Variants in ANKRD17 observed in about 807,000 individuals in gnomAD.
The protein encoded by ANKRD17 is ankyrin repeat domain 17, also known as ankyrin repeat domain-containing protein 17.
Under a neutral mutation model 229.7 loss-of-function variants are expected in ANKRD17, and 19 were observed. That is an observed-to-expected ratio of 0.08 (90% CI 0.06 to 0.12). ANKRD17 has a LOEUF of 0.12. ANKRD17 is among the 10% of genes least tolerant of loss of function. The pLI, the probability that ANKRD17 is intolerant of heterozygous loss-of-function variation, is 1.00. For missense variants in ANKRD17, 2,176 were observed against 3,176.8 expected, an observed-to-expected ratio of 0.68 and a Z score of 7.57; for synonymous variants, 1,112 against 1,146.1, an observed-to-expected ratio of 0.97 and a Z score of 0.60.
In ANKRD17 at chr4:73,155,814, A is replaced by T. The variant is rs779713219; in HGVS notation, c.853-36T>A. 11 of 1,603,484 alleles carry T rather than the reference A, an allele frequency of 6.9e-6. No homozygotes were observed. In the East Asian group the frequency reaches 2.5e-4, roughly 36 times the overall value. ...AAAAATAGTTTAAAAAGATATTAGG[A>T]AATAATCGTCAAAAAATTTTGAACA... is the stretch of plus-strand genomic sequence containing the variant. On this transcript the variant is annotated intron_variant, in intron 4 of 33. Transcript: ENST00000358602.
At chr4:73,220,758 G>C (rs774573501) in intron 1 of ANKRD17, among the ~76,000 whole-genome samples, 2 of 152,032 alleles carry the variant, frequency 1.3e-5, no homozygotes, top group Non-Finnish European at 2.9e-5. Context: ...AATTCCGTAT[G>C]TTCAATAAAT....
chr4:73,090,456 T>C (rs1219879068), intron 29 of ANKRD17, among the ~76,000 whole-genome samples: 1 of 152,128 alleles, frequency 6.6e-6, no homozygotes, highest in African/African-American at 2.4e-5. Flanking sequence ...AAGACTTATT[T>C]ATGGAAAATT....
intron 24 of ANKRD17, among the ~76,000 whole-genome samples, chr4:73,103,000 CTTA>C (rs1326687165): frequency 6.6e-6 from 1 of 151,990 alleles, no homozygotes; most frequent in African/African-American, 2.4e-5. Flanking sequence ...ATCCCAACAA[CTTA>C]TTATATAAAA....
At chr4:73,150,839 T>A (rs944787130) in intron 7 of ANKRD17, among the ~76,000 whole-genome samples, 9 of 152,068 alleles carry the variant, frequency 5.9e-5, no homozygotes, top group African/African-American at 2.2e-4. Context: ...CATTCCCGAA[T>A]ACAAACTCTA....
At chr4:73,088,532 C>T (rs1449510792) in intron 29 of ANKRD17, among the ~76,000 whole-genome samples, 2 of 152,136 alleles carry the variant, frequency 1.3e-5, no homozygotes, top group Non-Finnish European at 2.9e-5. Context: ...TAGATTATCA[C>T]ATTTTTGGAA....
intron 1 of ANKRD17, among the ~76,000 whole-genome samples, chr4:73,187,479 C>T (rs924678271): frequency 6.6e-6 from 1 of 152,164 alleles, no homozygotes; most frequent in Non-Finnish European, 1.5e-5. Flanking sequence ...TCGGCTGTAA[C>T]AGGAAATATC....
At chr4:73,173,755 A>G (rs1000818674) in intron 2 of ANKRD17, among the ~76,000 whole-genome samples, 5 of 152,170 alleles carry the variant, frequency 3.3e-5, no homozygotes, top group African/African-American at 9.7e-5. Flanking sequence ...ACAGGGAGCC[A>G]CATGAAATAT....
Position 73,102,368 on chromosome 4 carries a change from G to C in ANKRD17, c.4573+8C>G. On this transcript the variant is annotated splice_region_variant and intron_variant, in intron 25 of 33. Transcript: ENST00000358602. ...AAAACAAATGGGATGGTTGTTAAGA[G>C]AAAATACCTTCAACTTTAAGCTTTT... 1 of 1,576,760 alleles carries C rather than the reference G, an allele frequency of 6.3e-7. No homozygotes were observed. The highest frequency in any genetic ancestry group is 1.4e-5 in the African/African-American group (1 of 72,436).
chr4:73,179,488 G>A (rs7656492), intron 1 of ANKRD17, among the ~76,000 whole-genome samples: 12,655 of 47,622 alleles, frequency 0.27, 2,203 homozygotes, highest in Non-Finnish European at 0.33. Context: ...GTGTGTGTGT[G>A]TATATATATA....
intron 1 of ANKRD17, among the ~76,000 whole-genome samples, chr4:73,253,768 C>T (rs570346609): frequency 1.9e-4 from 29 of 152,264 alleles, no homozygotes; most frequent in South Asian, 1.9e-3. Flanking sequence ...AACTGGCTCT[C>T]CCCTTAATAC....
chr4:73,125,165 C>T, intron 17 of ANKRD17, 36 bp downstream of exon 17: 2 of 1,587,844 alleles, frequency 1.3e-6, no homozygotes, highest in Non-Finnish European at 8.6e-7. Context: ...ATTTTTTGAC[C>T]AGTATTCCAA....
chr4:73,089,588 C>T (rs931426006), intron 29 of ANKRD17, among the ~76,000 whole-genome samples: 1 of 152,184 alleles, frequency 6.6e-6, no homozygotes, highest in Non-Finnish European at 1.5e-5. Context: ...GTTAGTAGTA[C>T]TACACCAATA....
chr4:73,246,038 A>G (rs966485365), intron 1 of ANKRD17, among the ~76,000 whole-genome samples: 4 of 152,166 alleles, frequency 2.6e-5, no homozygotes, highest in African/African-American at 9.7e-5. Flanking sequence ...GGGATGTCAC[A>G]CCCTCCAATG....
rs149016790 is a variant in ANKRD17, at chr4:73,236,367, G to A, written c.393+21909C>T. On this transcript the variant is annotated intron_variant, in intron 1 of 33. Transcript: ENST00000358602. Reference sequence around the variant, plus strand: ...ATGGTTACTGCTATGTTGACCAGGAGAGTCTCAAACTCCCAGCCTCAAGCA... The same window carrying A: ...ATGGTTACTGCTATGTTGACCAGGAAAGTCTCAAACTCCCAGCCTCAAGCA... Among the ~76,000 whole-genome samples the A allele has an allele frequency of 6.2e-4, 94 of 152,158 alleles. 1 individual carries two copies. Among genetic ancestry groups the A allele is most frequent in the African/African-American group, 2.2e-3 (91 of 41,512 alleles).
rs1301879073 is a variant in ANKRD17 at position 73,075,100 on chromosome 4, G to A, written c.*1131C>T. The A allele has an allele frequency of 6.6e-6, 1 of 152,140 alleles. No individual in the cohort carries two copies. Among genetic ancestry groups the A allele is most frequent in the African/African-American group, 2.4e-5 (1 of 41,426 alleles). The allele number at this position is 152,140 out of a possible 1,614,324, so 9.4% of individuals were successfully genotyped here. On this transcript the variant is annotated 3_prime_UTR_variant, in exon 34 of 34. Coordinates refer to ENST00000358602, the MANE Select transcript of ANKRD17 (RefSeq NM_032217.5). ...TCCTTTTCACTGATAATATACAAGGGTAAAAAAGCAGGAAGCCTTTAAAAT... is the reference window on the plus strand; with the variant it reads ...TCCTTTTCACTGATAATATACAAGGATAAAAAAGCAGGAAGCCTTTAAAAT...
chr4:73,088,331 C>T (rs1722414342), intron 29 of ANKRD17, among the ~76,000 whole-genome samples: 1 of 152,092 alleles, frequency 6.6e-6, no homozygotes, highest in South Asian at 2.1e-4. Context: ...GTATCTTTAA[C>T]TCAAAATGAC....
rs762773377 is a variant in ANKRD17 at position 73,258,434 on chromosome 4, T to G, written c.235A>C (p.Thr79Pro). The G allele has an allele frequency of 1.9e-6, 3 of 1,609,568 alleles. No individual in the cohort carries two copies. The Admixed American group carries it at 5.0e-5, about 27-fold the overall frequency. The change falls in exon 1 of 34, where the codon ACT becomes CCT. Residue 79 changes from threonine to proline, a missense_variant. This residue lies in a region of ANKRD17 where 196 missense variants were observed against 190.0 expected (regional missense o/e 1.03). Transcript: ENST00000358602. Reference sequence around the variant, plus strand: ...TCGCTGCTGCTGGGGGGTCGGCAAGTCCGGTTACGCTTGGCCTTGTGGTGC... The same window carrying G: ...TCGCTGCTGCTGGGGGGTCGGCAAGGCCGGTTACGCTTGGCCTTGTGGTGC... ...QQHHKAKRNRTCRPPSSSESS... is the reference protein window; with the variant it reads ...QQHHKAKRNRPCRPPSSSESS...
chr4:73,190,770 G>A (rs533478346), intron 1 of ANKRD17, among the ~76,000 whole-genome samples: 1 of 151,268 alleles, frequency 6.6e-6, no homozygotes, highest in South Asian at 2.1e-4. Context: ...AAAATAAAAT[G>A]TAAAATGGAA....
Position 73,144,838 on chromosome 4 carries a change from T to TA in ANKRD17, c.1870-7dup, listed in dbSNP as rs375888439. 74,798 of 1,294,164 alleles carry TA rather than the reference T, an allele frequency of 0.058. 1 individual carries two copies. The highest frequency in any genetic ancestry group is 0.063 in the Non-Finnish European group (59,665 of 953,464). 80.2% of individuals were successfully genotyped at this position (1,294,164 alleles called of 1,614,324 possible). A position where few individuals can be genotyped will look rare whatever the true frequency, so the allele number is the denominator to read the frequency against. ...CCACCTTCAGATTCATGTTCCTGTT[T>TA]AAAAAAAAAAAAAAAGACTTGACAT... On this transcript the variant is annotated splice_region_variant and splice_polypyrimidine_tract_variant and intron_variant, in intron 10 of 33. Coordinates refer to ENST00000358602, the MANE Select transcript of ANKRD17 (RefSeq NM_032217.5).
Sources: gnomAD v4.1 joint callset for allele counts (sites outside exome capture counted in the v4.1 genomes callset) on GRCh38, gnomAD v4.1.1 for gene constraint, gnomAD v4.1.1 regional missense constraint, MANE v1.5 for transcripts, NCBI Gene and HGNC (gene_info 2026-07-23, HGNC 2026-07-21) for gene names.